Variants in ASIC2 observed in about 807,000 individuals in gnomAD.
ASIC2 encodes the protein acid sensing ion channel subunit 2.
In ASIC2, 25 loss-of-function variants were observed where a neutral mutation model predicts 57.3. The ratio of observed to expected loss-of-function variants is 0.44; its 90% CI spans 0.32 to 0.61. ASIC2 has a LOEUF of 0.61. Ranked by LOEUF, ASIC2 falls within the 20% of genes least tolerant of loss-of-function variation. The pLI is 0.06. For synonymous variants in ASIC2, 319 were observed against 307.5 expected, an observed-to-expected ratio of 1.04 and a Z score of -0.39; for missense variants, 641 against 738.1, an observed-to-expected ratio of 0.87 and a Z score of 1.52.
chr17:33,764,786 A>T (rs536156679), intron 1 of ASIC2, among the ~76,000 whole-genome samples: 2 of 152,296 alleles, frequency 1.3e-5, no homozygotes, highest in Non-Finnish European at 2.9e-5. Flanking sequence ...AAGTTTCTAC[A>T]TGAACTTTGG....
At chr17:33,386,698 G>A (rs576927157) in intron 1 of ASIC2, among the ~76,000 whole-genome samples, 83 of 152,320 alleles carry the variant, frequency 5.4e-4, no homozygotes, top group Non-Finnish European at 1.0e-3. Context: ...TAACCTAAGA[G>A]CAATCCCATT....
chr17:33,426,608 G>T (rs768065008), intron 1 of ASIC2, among the ~76,000 whole-genome samples: 1 of 152,174 alleles, frequency 6.6e-6, no homozygotes, highest in Non-Finnish European at 1.5e-5. Flanking sequence ...GGCTAGGCAG[G>T]TGTCCTGCTA....
intron 1 of ASIC2, among the ~76,000 whole-genome samples, chr17:33,991,446 C>T (rs1905997077): frequency 1.3e-5 from 2 of 152,186 alleles, no homozygotes; most frequent in Admixed American, 1.3e-4. Context: ...CCAATCTATC[C>T]TGCCACCGGC....
chr17:34,090,510 A>G (rs971214956), intron 1 of ASIC2, among the ~76,000 whole-genome samples: 1 of 152,166 alleles, frequency 6.6e-6, no homozygotes, highest in Non-Finnish European at 1.5e-5. Flanking sequence ...GAGGAACTCA[A>G]AAGTGTAGAG....
intron 1 of ASIC2, among the ~76,000 whole-genome samples, chr17:33,947,929 G>A (rs989273429): frequency 6.6e-6 from 1 of 152,166 alleles, no homozygotes; most frequent in Non-Finnish European, 1.5e-5. Flanking sequence ...GATATTCTAG[G>A]TATTTTAGAT....
intron 1 of ASIC2, among the ~76,000 whole-genome samples, chr17:33,921,838 G>T (rs1054908429): frequency 6.6e-6 from 1 of 152,174 alleles, no homozygotes; most frequent in African/African-American, 2.4e-5. Context: ...TCATTATGGG[G>T]AATTTTCCCA....
chr17:33,218,334 C>T (rs545274640), intron 1 of ASIC2, among the ~76,000 whole-genome samples: 1 of 152,312 alleles, frequency 6.6e-6, no homozygotes, highest in Non-Finnish European at 1.5e-5. Flanking sequence ...CATGTGCTCT[C>T]TCCTGCTTTT....
At chr17:33,133,275 G>T (rs116140851) in intron 1 of ASIC2, among the ~76,000 whole-genome samples, 3 of 152,150 alleles carry the variant, frequency 2.0e-5, no homozygotes, top group Non-Finnish European at 4.4e-5. Flanking sequence ...TGGCAGAGGC[G>T]CAGAGGCAGG....
intron 1 of ASIC2, among the ~76,000 whole-genome samples, chr17:33,372,378 C>A (rs1487176370): frequency 1.3e-5 from 2 of 152,086 alleles, no homozygotes; most frequent in African/African-American, 4.8e-5. Context: ...GCCTGTGTTT[C>A]CTCACCTAGG....
At chr17:33,077,375 A>G (rs1306180333) in intron 3 of ASIC2, among the ~76,000 whole-genome samples, 1 of 152,154 alleles carries the variant, frequency 6.6e-6, no homozygotes, top group African/African-American at 2.4e-5. Flanking sequence ...CCATTTATTC[A>G]TTCATTGATT....
chr17:33,683,708 A>G (rs1268097766), intron 1 of ASIC2, among the ~76,000 whole-genome samples: 1 of 152,058 alleles, frequency 6.6e-6, no homozygotes, highest in African/African-American at 2.4e-5. Flanking sequence ...GGGCCAGGTA[A>G]TTTTTTTGTT....
intron 1 of ASIC2, among the ~76,000 whole-genome samples, chr17:33,161,857 GTTTTTTT>G (rs199823485): frequency 6.4e-5 from 6 of 94,224 alleles, no homozygotes; most frequent in South Asian, 3.6e-4. Flanking sequence ...GAATTCCTAG[GTTTTTTT>G]TTTTTTTTTT....
At chr17:33,681,611 C>A (rs554435515) in intron 1 of ASIC2, among the ~76,000 whole-genome samples, 1 of 152,194 alleles carries the variant, frequency 6.6e-6, no homozygotes, top group Non-Finnish European at 1.5e-5. Context: ...CAAGGCTCTG[C>A]GCAGCTGGAG....
chr17:33,316,303 G>A (rs1906642939), intron 1 of ASIC2, among the ~76,000 whole-genome samples: 1 of 152,154 alleles, frequency 6.6e-6, no homozygotes, highest in Non-Finnish European at 1.5e-5. Context: ...AAAATGAAGG[G>A]CAGATTGCTT....
chr17:33,479,277 G>A (rs188775379), intron 1 of ASIC2, among the ~76,000 whole-genome samples: 47 of 152,210 alleles, frequency 3.1e-4, no homozygotes, highest in African/African-American at 1.1e-3. Flanking sequence ...GGGATTACAC[G>A]CATGAGCCAC....
At chr17:33,486,912 G>A (rs1913592771) in intron 1 of ASIC2, among the ~76,000 whole-genome samples, 2 of 152,210 alleles carry the variant, frequency 1.3e-5, no homozygotes. Flanking sequence ...CTGAGGGCAG[G>A]TGTCAGGGTG....
chr17:33,983,785 G>A (rs1331911989), intron 1 of ASIC2, among the ~76,000 whole-genome samples: 1 of 152,178 alleles, frequency 6.6e-6, no homozygotes, highest in Non-Finnish European at 1.5e-5. Flanking sequence ...CAAGTCTGGA[G>A]TTATTTTCAG....
chr17:34,039,869 TC>T, intron 1 of ASIC2: 1 of 1,602,310 alleles, frequency 6.2e-7, no homozygotes, highest in East Asian at 2.2e-5. Flanking sequence ...AATTCTTCCA[TC>T]ATTTCTACTG....
At chr17:33,363,879 T>TC (rs1426451901) in intron 1 of ASIC2, among the ~76,000 whole-genome samples, 2 of 152,190 alleles carry the variant, frequency 1.3e-5, no homozygotes, top group Non-Finnish European at 2.9e-5. Context: ...TCTCACCCTT[T>TC]CCTGGGGCAG....
Sources: gnomAD v4.1 joint callset for allele counts (sites outside exome capture counted in the v4.1 genomes callset) on GRCh38, gnomAD v4.1.1 for gene constraint, MANE v1.5 for transcripts, NCBI Gene and HGNC (gene_info 2026-07-23, HGNC 2026-07-21) for gene names.